MGAT5: variants seen among roughly 807,000 people sequenced by gnomAD.
The protein encoded by MGAT5 is alpha-1,6-mannosylglycoprotein 6-beta-N-acetylglucosaminyltransferase A.
A neutral mutation model predicts 94.3 loss-of-function variants in MGAT5; 30 were observed. The ratio of observed to expected loss-of-function variants is 0.32; its 90% confidence interval spans 0.24 to 0.43. The LOEUF is 0.43. Ranked by LOEUF, MGAT5 falls within the 20% of genes least tolerant of loss-of-function variation. MGAT5 has a pLI of 1.00. For synonymous variants in MGAT5, 310 were observed against 322.9 expected, an observed-to-expected ratio of 0.96 and a Z score of 0.43; for missense variants, 691 against 905.5, an observed-to-expected ratio of 0.76 and a Z score of 3.04.
chr2:134,181,830 A>T (rs1459847475), intron 1 of MGAT5, among the ~76,000 whole-genome samples: 1 of 152,192 alleles, frequency 6.6e-6, no homozygotes, highest in East Asian at 1.9e-4. Context: ...CCTTGAGTAA[A>T]TTCCTGTTTA....
intron 1 of MGAT5, among the ~76,000 whole-genome samples, chr2:134,260,063 A>G (rs1683221643): frequency 6.9e-6 from 1 of 145,812 alleles, no homozygotes; most frequent in Non-Finnish European, 1.5e-5. Context: ...GGCACGGCGT[A>G]TGCTAGGTCC....
At chr2:134,338,823 C>T (rs1003240793) in intron 6 of MGAT5, among the ~76,000 whole-genome samples, 1 of 152,158 alleles carries the variant, frequency 6.6e-6, no homozygotes, top group African/African-American at 2.4e-5. Flanking sequence ...CATTGTTACT[C>T]TGTCTGGTTG....
chr2:134,229,312 T>TG lies in MGAT5; in HGVS notation c.-142-24948dup, dbSNP rs777283351. Among the ~76,000 whole-genome samples, 29 of 152,256 alleles carry TG rather than the reference T, an allele frequency of 1.9e-4. 1 individual carries two copies. Among genetic ancestry groups the TG allele is most frequent in the Non-Finnish European group, 4.0e-4 (27 of 68,052 alleles). ...ATGGAAATGGTTCTTGTTCATAGAA[T>TG]GGCACATGAATTTTGCCCAGTAGAG... is the stretch of plus-strand genomic sequence containing the variant. On this transcript the variant is annotated intron_variant, in intron 1 of 16. Transcript: ENST00000409645.
At chr2:134,382,483 G>A (rs968013100) in intron 10 of MGAT5, among the ~76,000 whole-genome samples, 7 of 152,236 alleles carry the variant, frequency 4.6e-5, no homozygotes, top group South Asian at 4.1e-4. Context: ...GGTGGAACTC[G>A]TCAAAAGCAG....
chr2:134,185,602 C>T (rs1261312354), intron 1 of MGAT5, among the ~76,000 whole-genome samples: 1 of 152,246 alleles, frequency 6.6e-6, no homozygotes, highest in South Asian at 2.1e-4. Context: ...GATATAAGTG[C>T]TTAACTGATT....
At chr2:134,262,758 C>G (rs1369832540) in intron 1 of MGAT5, among the ~76,000 whole-genome samples, 2 of 152,202 alleles carry the variant, frequency 1.3e-5, no homozygotes, top group East Asian at 3.8e-4. Context: ...GCATCTGTTA[C>G]CACCCAGGCA....
intron 10 of MGAT5, among the ~76,000 whole-genome samples, chr2:134,380,481 A>G (rs1681469652): frequency 6.6e-6 from 1 of 151,976 alleles, no homozygotes. Flanking sequence ...AAAAAGGGAC[A>G]TGGATTATAG....
At chr2:134,369,925 G>A (rs542869879) in intron 10 of MGAT5, among the ~76,000 whole-genome samples, 5 of 152,144 alleles carry the variant, frequency 3.3e-5, no homozygotes, top group Non-Finnish European at 7.4e-5. Context: ...CACAGGATGG[G>A]CCCTGTCTCA....
chr2:134,350,125 G>T (rs1345612723), intron 9 of MGAT5, among the ~76,000 whole-genome samples, 187 bp downstream of exon 9: 2 of 89,668 alleles, frequency 2.2e-5, no homozygotes, highest in African/African-American at 8.8e-5. Flanking sequence ...AAATCGAAAG[G>T]CCACATGAAT....
At chr2:134,190,971 A>G (rs1027497220) in intron 1 of MGAT5, among the ~76,000 whole-genome samples, 17 of 152,040 alleles carry the variant, frequency 1.1e-4, no homozygotes, top group African/African-American at 4.1e-4. Context: ...AAATTTTTTT[A>G]GAGACAGAAT....
At chr2:134,229,668 A>T (rs1681250819) in intron 1 of MGAT5, among the ~76,000 whole-genome samples, 1 of 152,230 alleles carries the variant, frequency 6.6e-6, no homozygotes, top group Admixed American at 6.5e-5. Context: ...CATGGATGAA[A>T]TCATCTTATG....
intron 1 of MGAT5, among the ~76,000 whole-genome samples, chr2:134,184,027 T>A (rs1688878674): frequency 6.6e-6 from 1 of 152,250 alleles, no homozygotes; most frequent in Non-Finnish European, 1.5e-5. Context: ...TTCTCTTTTT[T>A]AATTCTCCCC....
intron 10 of MGAT5, among the ~76,000 whole-genome samples, chr2:134,398,190 T>G (rs112969665): frequency 1.5e-3 from 236 of 152,332 alleles, no homozygotes; most frequent in African/African-American, 5.3e-3. Context: ...AATCTGAAGT[T>G]GAAAATTCTC....
chr2:134,187,682 C>T (rs759494898), intron 1 of MGAT5, among the ~76,000 whole-genome samples: 25 of 152,134 alleles, frequency 1.6e-4, no homozygotes, highest in East Asian at 9.7e-4. Context: ...TGCTATGTCC[C>T]GAGTGTCTAG....
At chr2:134,309,236 T>C (rs1194145667) in intron 2 of MGAT5, among the ~76,000 whole-genome samples, 2 of 152,244 alleles carry the variant, frequency 1.3e-5, no homozygotes, top group Non-Finnish European at 2.9e-5. Context: ...TGGGTGTTTG[T>C]ATTGTTTCCA....
At chr2:134,155,019 T>G (rs1687408679) in intron 1 of MGAT5, among the ~76,000 whole-genome samples, 1 of 152,216 alleles carries the variant, frequency 6.6e-6, no homozygotes, top group African/African-American at 2.4e-5. Flanking sequence ...CCCTGTGTTT[T>G]GGGTCAGTCC....
chr2:134,227,348 G>A (rs1681115818), intron 1 of MGAT5, among the ~76,000 whole-genome samples: 1 of 152,114 alleles, frequency 6.6e-6, no homozygotes, highest in African/African-American at 2.4e-5. Context: ...TTGAGCTCTG[G>A]GTATTGTCTT....
intron 4 of MGAT5, among the ~76,000 whole-genome samples, chr2:134,319,118 G>A (rs1432836135): frequency 2.0e-5 from 3 of 152,038 alleles, no homozygotes; most frequent in African/African-American, 4.8e-5. Flanking sequence ...TGAACCTCTA[G>A]ACTCATTAAA....
At chr2:134,329,000 G>C (rs1050505470) in intron 4 of MGAT5, among the ~76,000 whole-genome samples, 1 of 152,052 alleles carries the variant, frequency 6.6e-6, no homozygotes, top group African/African-American at 2.4e-5. Context: ...AGCCAATGAA[G>C]TTTGAATTTC....
Sources: gnomAD v4.1 joint callset for allele counts (sites outside exome capture counted in the v4.1 genomes callset) on GRCh38, gnomAD v4.1.1 for gene constraint, MANE v1.5 for transcripts, NCBI Gene and HGNC (gene_info 2026-07-23, HGNC 2026-07-21) for gene names.